Variants in CSGALNACT1 observed in about 807,000 individuals in gnomAD.
CSGALNACT1 encodes beta4GalNAcT-1.
In CSGALNACT1, 52 loss-of-function variants were observed where a neutral mutation model predicts 51.0. The ratio of observed to expected loss-of-function variants is 1.02; its 90% CI spans 0.82 to 1.29. The LOEUF (loss-of-function observed/expected upper bound fraction) is 1.29. CSGALNACT1 is among the 50% of genes most tolerant of loss of function. CSGALNACT1 has a pLI of 0.00. For synonymous variants in CSGALNACT1, 341 were observed against 254.4 expected (o/e 1.34, Z -3.24); for missense variants, 935 against 679.2 (o/e 1.38, Z -4.19).
chr8:19,535,787 C>T (rs953143379), intron 3 of CSGALNACT1, among the ~76,000 whole-genome samples: 1 of 152,106 alleles, frequency 6.6e-6, no homozygotes, highest in Non-Finnish European at 1.5e-5. Context: ...CATCCATTCA[C>T]AATTTAAAAC....
chr8:19,617,960 C>T (rs1179984834), intron 1 of CSGALNACT1, among the ~76,000 whole-genome samples: 1 of 151,948 alleles, frequency 6.6e-6, no homozygotes, highest in East Asian at 1.9e-4. Flanking sequence ...GTTCACTGCA[C>T]CCTCAAACTC....
chr8:19,531,435 G>A (rs2082744177), intron 3 of CSGALNACT1, among the ~76,000 whole-genome samples: 1 of 152,176 alleles, frequency 6.6e-6, no homozygotes. Context: ...GTCCTAGCTG[G>A]AGCCACAGCT....
At chr8:19,675,803 T>C (rs939434888) in intron 1 of CSGALNACT1, among the ~76,000 whole-genome samples, 3 of 152,046 alleles carry the variant, frequency 2.0e-5, no homozygotes, top group Non-Finnish European at 4.4e-5. Flanking sequence ...ATTCTATATA[T>C]GAACCTCCAC....
At chr8:19,588,679 A>G (rs1490312485) in intron 3 of CSGALNACT1, among the ~76,000 whole-genome samples, 2 of 152,196 alleles carry the variant, frequency 1.3e-5, no homozygotes, top group African/African-American at 4.8e-5. Flanking sequence ...ATCCAAATAA[A>G]TATCAAGTTA....
intron 4 of CSGALNACT1, among the ~76,000 whole-genome samples, chr8:19,501,636 G>A (rs1405050562): frequency 2.0e-5 from 3 of 152,192 alleles, no homozygotes; most frequent in Non-Finnish European, 4.4e-5. Flanking sequence ...TCACATAGGG[G>A]TCACATTATC....
chr8:19,542,315 G>C (rs976903357), intron 3 of CSGALNACT1, among the ~76,000 whole-genome samples: 1 of 151,818 alleles, frequency 6.6e-6, no homozygotes, highest in African/African-American at 2.4e-5. Context: ...AACACTGTCC[G>C]TCAAACCAGG....
chr8:19,534,447 T>A (rs2083367595), intron 3 of CSGALNACT1, among the ~76,000 whole-genome samples: 1 of 151,626 alleles, frequency 6.6e-6, no homozygotes, highest in Non-Finnish European at 1.5e-5. Context: ...TGAGACTCCA[T>A]CTCAAGAAAA....
At chr8:19,432,707 G>A (rs984048983) in intron 6 of CSGALNACT1, among the ~76,000 whole-genome samples, 11 of 151,950 alleles carry the variant, frequency 7.2e-5, no homozygotes, top group African/African-American at 2.2e-4. Flanking sequence ...CTGCTGTTAA[G>A]CCTCCTCTGC....
intron 1 of CSGALNACT1, among the ~76,000 whole-genome samples, chr8:19,660,505 T>G (rs2058664917): frequency 6.6e-6 from 1 of 152,098 alleles, no homozygotes; most frequent in South Asian, 2.1e-4. Flanking sequence ...CTTCAAAAAT[T>G]GGGAGGAATA....
chr8:19,609,321 T>A (rs918518414), intron 1 of CSGALNACT1, among the ~76,000 whole-genome samples: 1 of 148,618 alleles, frequency 6.7e-6, no homozygotes, highest in Non-Finnish European at 1.5e-5. Context: ...CCCTCAGGGA[T>A]CCTACAATTG....
At chr8:19,664,626 TACACACACACAA>T (rs540776052) in intron 1 of CSGALNACT1, among the ~76,000 whole-genome samples, 1 of 150,188 alleles carries the variant, frequency 6.7e-6, no homozygotes, top group South Asian at 2.1e-4. Flanking sequence ...TGGATGTATG[TACACACACACAA>T]ACACACAAAC....
chr8:19,744,982 C>G (rs1243601381), intron 1 of CSGALNACT1, among the ~76,000 whole-genome samples: 1 of 152,134 alleles, frequency 6.6e-6, no homozygotes, highest in Non-Finnish European at 1.5e-5. Context: ...TGCCACGTAA[C>G]GTATTACTCT....
intron 1 of CSGALNACT1, among the ~76,000 whole-genome samples, chr8:19,754,667 C>A (rs898926677): frequency 2.0e-5 from 3 of 152,148 alleles, no homozygotes; most frequent in Non-Finnish European, 2.9e-5. Flanking sequence ...TATTTTTAGG[C>A]CTTTGGCTAA....
rs1491201340 is a variant in CSGALNACT1, at chr8:19,741,560, C to CCA, written c.-297+16289_-297+16290insTG. Among the ~76,000 whole-genome samples the CCA allele has an allele frequency of 8.5e-3, 923 of 108,806 alleles. 14 individuals are homozygous for CCA. Among genetic ancestry groups the CCA allele is most frequent in the African/African-American group, 0.028 (862 of 30,422 alleles). The allele number at this position is 108,806 out of a possible 152,430, so 71.4% of individuals were successfully genotyped here. On this transcript the variant is annotated intron_variant, in intron 1 of 1. Coordinates refer to the CSGALNACT1 transcript ENST00000517494. ...CCTGGGCGAAAGAGTGAGACTCCATCAAAAAAAAAAAAAAAAAAAGGGAGT... is the reference window on the plus strand; with the variant it reads ...CCTGGGCGAAAGAGTGAGACTCCATCCAAAAAAAAAAAAAAAAAAAAGGGAGT...
At chr8:19,756,893 C>A (rs2154255761) in intron 1 of CSGALNACT1, among the ~76,000 whole-genome samples, 1 of 152,108 alleles carries the variant, frequency 6.6e-6, no homozygotes. Context: ...AGCGCAGCGG[C>A]CCCGGACCCT....
intron 3 of CSGALNACT1, among the ~76,000 whole-genome samples, chr8:19,530,305 TAC>T (rs752277554): frequency 1.3e-5 from 2 of 149,124 alleles, no homozygotes; most frequent in African/African-American, 2.5e-5. Flanking sequence ...CATGAATGTG[TAC>T]ACATACACAC....
chr8:19,413,136 T>C (rs1438239435), intron 8 of CSGALNACT1, among the ~76,000 whole-genome samples: 9 of 152,198 alleles, frequency 5.9e-5, no homozygotes, highest in African/African-American at 1.9e-4. Context: ...CTGTAAGTCT[T>C]TTCTAGGTGT....
chr8:19,718,090 A>G lies in CSGALNACT1; in HGVS notation c.-297+39760T>C, dbSNP rs539578484. On this transcript the variant is annotated intron_variant, in intron 1 of 1. Transcript: ENST00000517494. The stretch of plus-strand genomic sequence containing the variant: ...TTTTTATGATACCTAAAAGGTCCAA[A>G]GCATAACAGGCCTTCTTTTTGAGAC... Among the ~76,000 whole-genome samples, 8 of 152,258 alleles carry G rather than the reference A, an allele frequency of 5.3e-5. No individual in the cohort carries two copies. The East Asian group carries it at 1.5e-3, about 29-fold the overall frequency.
chr8:19,746,392 G>A (rs1179884526), intron 1 of CSGALNACT1, among the ~76,000 whole-genome samples: 2 of 152,122 alleles, frequency 1.3e-5, no homozygotes, highest in African/African-American at 4.8e-5. Flanking sequence ...TCTGCCTATT[G>A]GCCATGGTAC....
Sources: gnomAD v4.1 joint callset for allele counts (sites outside exome capture counted in the v4.1 genomes callset) on GRCh38, gnomAD v4.1.1 for gene constraint, MANE v1.5 for transcripts, NCBI Gene and HGNC (gene_info 2026-07-23, HGNC 2026-07-21) for gene names.